The following SKP1 variants were observed in gnomAD, a reference collection of about 807,000 sequenced individuals.
The protein encoded by SKP1 is S-phase kinase-associated protein 1.
A neutral mutation model predicts 21.5 loss-of-function variants in SKP1; 1 was observed. The ratio of observed to expected loss-of-function variants is 0.05; its 90% CI spans 0.02 to 0.22. SKP1 has a LOEUF of 0.22. Ranked by LOEUF, SKP1 falls within the 10% of genes least tolerant of loss-of-function variation. The probability of loss-of-function intolerance (pLI) is 1.00; values close to 1 mark genes in which losing one functional copy is unlikely to be tolerated. For synonymous variants in SKP1, 59 were observed against 59.3 expected, an observed-to-expected ratio of 0.99 and a Z score of 0.03; for missense variants, 70 against 192.0, an observed-to-expected ratio of 0.36 and a Z score of 3.76.
chr5:134,165,495 C>T (rs576828493), intron 3 of SKP1, among the ~76,000 whole-genome samples: 17 of 149,814 alleles, frequency 1.1e-4, no homozygotes, highest in Admixed American at 8.7e-4. Context: ...GAGGATGAGG[C>T]GGGAGAATCA....
intron 3 of SKP1, among the ~76,000 whole-genome samples, chr5:134,165,421 T>C (rs566166941): frequency 2.7e-5 from 4 of 147,856 alleles, no homozygotes; most frequent in African/African-American, 5.0e-5. Flanking sequence ...GAAACCCTCA[T>C]CTCTACAAAA....
Position 134,167,150 on chromosome 5 carries a change from A to C in SKP1, c.171+20T>G, listed in dbSNP as rs1253120631. The stretch of plus-strand genomic sequence containing the variant: ...GTTATATATTAAGCAGAATAAACTT[A>C]AACTCTTTAAAGACCTTACCTTTTT... On this transcript the variant is annotated intron_variant, in intron 3 of 5. Coordinates refer to ENST00000353411, the MANE Select transcript of SKP1 (RefSeq NM_170679.3). 1 of 1,377,076 alleles carries C rather than the reference A, an allele frequency of 7.3e-7. No individual in the cohort carries two copies. The highest frequency in any genetic ancestry group is 1.4e-5 in the African/African-American group (1 of 69,548). 85.3% of individuals were successfully genotyped at this position (1,377,076 alleles called of 1,614,324 possible). A position where few individuals can be genotyped will look rare whatever the true frequency, so the allele number is the denominator to read the frequency against.
At chr5:134,169,691 C>G (rs1561722379) in intron 2 of SKP1, among the ~76,000 whole-genome samples, 1 of 151,904 alleles carries the variant, frequency 6.6e-6, no homozygotes, top group African/African-American at 2.4e-5. Context: ...ATGGTGAAAC[C>G]CCGTTTCTAC....
chr5:134,163,235 T>A (rs1004395130), intron 3 of SKP1, among the ~76,000 whole-genome samples: 3 of 100,190 alleles, frequency 3.0e-5, no homozygotes, highest in South Asian at 6.3e-4. Flanking sequence ...AAAAAATCAC[T>A]ATCACTACTA....
At chr5:134,158,254 C>T (rs542859509) in intron 5 of SKP1, 1 of 1,456,016 alleles carries the variant, frequency 6.9e-7, no homozygotes, top group African/African-American at 1.4e-5. Context: ...ACTAATTGTT[C>T]TTATGCTTAA....
At chr5:134,176,612 A>G (rs115945211) in intron 1 of SKP1, 3,251 of 152,388 alleles carry the variant, frequency 0.021, 110 homozygotes, top group African/African-American at 0.074. Flanking sequence ...GGTTCGGCTC[A>G]CTTATGGAGC....
chr5:134,150,812 T>C lies in SKP1; in HGVS notation c.*6921A>G, dbSNP rs1761032115. 6.6e-6 allele frequency: 1 copy of C among 152,198 alleles called. No homozygotes were observed. The highest frequency in any genetic ancestry group is 2.1e-4 in the South Asian group (1 of 4,834). The allele number at this position is 152,198 out of a possible 1,614,324, so 9.4% of individuals were successfully genotyped here. On this transcript the variant is annotated 3_prime_UTR_variant, in exon 6 of 6. Transcript: ENST00000353411. Reference sequence around the variant, plus strand: ...GACTCCTGAGCTCTTCTCTAATAGTTTGGAGCTACTAACAAACCATTACTG... The same window carrying C: ...GACTCCTGAGCTCTTCTCTAATAGTCTGGAGCTACTAACAAACCATTACTG...
At chr5:134,176,118 G>A (rs554723515) in intron 1 of SKP1, among the ~76,000 whole-genome samples, 143 of 152,276 alleles carry the variant, frequency 9.4e-4, no homozygotes, top group African/African-American at 3.1e-3. Context: ...GCAGGTAGAC[G>A]TCCTATTTCT....
rs141745289 is a variant in SKP1, at chr5:134,151,726, A to G, written c.*6007T>C. 3.5e-5 allele frequency: 16 copies of G among 455,934 alleles called. No homozygotes were observed. The highest frequency in any genetic ancestry group is 6.5e-4 in the Middle Eastern group (2 of 3,076). 28.2% of individuals were successfully genotyped at this position (455,934 alleles called of 1,614,324 possible). ...TGTGGAAGCAGACACTGTTATGAGC[A>G]ACTACATTCCTCCCATAGAATGCTG... is the stretch of plus-strand genomic sequence containing the variant. On this transcript the variant is annotated 3_prime_UTR_variant, in exon 6 of 6. Transcript: ENST00000353411.
In SKP1 at chr5:134,156,594, T is replaced by C. The variant is rs1338854242; in HGVS notation, c.*1139A>G. 1.3e-5 allele frequency: 2 copies of C among 151,814 alleles called. No individual in the cohort carries two copies. Among genetic ancestry groups the C allele is most frequent in the Non-Finnish European group, 1.5e-5 (1 of 67,948 alleles). 9.4% of individuals were successfully genotyped at this position (151,814 alleles called of 1,614,324 possible). A position where few individuals can be genotyped will look rare whatever the true frequency, so the allele number is the denominator to read the frequency against. On this transcript the variant is annotated 3_prime_UTR_variant, in exon 6 of 6. Transcript: ENST00000353411. ...AGGGAGCACAAGGAAGAAAAAAAAATCAAAATTTGTGAGCCATCTCAAGCC... is the reference window on the plus strand; with the variant it reads ...AGGGAGCACAAGGAAGAAAAAAAAACCAAAATTTGTGAGCCATCTCAAGCC...
intron 5 of SKP1, 127 bp downstream of exon 5, chr5:134,158,328 C>T: frequency 1.3e-6 from 2 of 1,573,504 alleles, no homozygotes; most frequent in Non-Finnish European, 1.7e-6. Flanking sequence ...GTTTAAGACA[C>T]ATTAAGTACA....
rs1761103287 is a variant in SKP1 at position 134,155,212 on chromosome 5, A to G, written c.*2521T>C. ...TAGTTTAGAAGAATAGTTGGGAAGT[A>G]AGAGAGTAGCCAGAAATGAGTGGAG... On this transcript the variant is annotated 3_prime_UTR_variant, in exon 6 of 6. Coordinates refer to ENST00000353411, the MANE Select transcript of SKP1 (RefSeq NM_170679.3). 1.3e-5 allele frequency: 2 copies of G among 152,218 alleles called. No individual in the cohort carries two copies. The highest frequency in any genetic ancestry group is 4.1e-4 in the South Asian group (2 of 4,834). The allele number at this position is 152,218 out of a possible 1,614,324, so 9.4% of individuals were successfully genotyped here. A position where few individuals can be genotyped will look rare whatever the true frequency, so the allele number is the denominator to read the frequency against.
Position 134,151,589 on chromosome 5 carries a change from A to C in SKP1, c.*6144T>G. On this transcript the variant is annotated 3_prime_UTR_variant, in exon 6 of 6. Transcript: ENST00000353411. ...CCTCAGTGTGCAATAAGAGGCTGCT[A>C]TATAGCAGGTTGAAAATTTGAAGTT... 2.2e-6 allele frequency: 1 copy of C among 447,006 alleles called. No individual in the cohort carries two copies. The highest frequency in any genetic ancestry group is 4.5e-6 in the Non-Finnish European group (1 of 221,744). 27.7% of individuals were successfully genotyped at this position (447,006 alleles called of 1,614,324 possible).
At position 134,155,481 on chromosome 5, in the gene SKP1, T is replaced by C. The variant is rs958466435; in HGVS notation, c.*2252A>G. ...TTATTTTCTCTTGGATCTCTATTAA[T>C]GTAAAAGTTTAAGATTACTAGGATT... On this transcript the variant is annotated 3_prime_UTR_variant, in exon 6 of 6. Transcript: ENST00000353411. 6.6e-6 allele frequency: 1 copy of C among 152,250 alleles called. No homozygotes were observed. The highest frequency in any genetic ancestry group is 2.4e-5 in the African/African-American group (1 of 41,468). The allele number at this position is 152,250 out of a possible 1,614,324, so 9.4% of individuals were successfully genotyped here.
At chr5:134,175,737 T>C (rs1761527884) in intron 1 of SKP1, among the ~76,000 whole-genome samples, 2 of 152,248 alleles carry the variant, frequency 1.3e-5, no homozygotes, top group African/African-American at 2.4e-5. Flanking sequence ...TTCGATGCAC[T>C]TGGTAATACT....
In SKP1 at chr5:134,173,987, C is replaced by T; in HGVS notation, c.36G>A (p.Glu12=). Residue 12 remains glutamate (E), a synonymous_variant, in exon 2 of 6, where the codon GAG becomes GAA. Transcript: ENST00000353411. ...PSIKLQSSDG[E]IFEVDVEIAK... The stretch of plus-strand genomic sequence containing the variant: ...CAATTTCCACATCAACTTCAAATAT[C>T]TCTCCATCAGAACTCTGCAACTTAA... The T allele has an allele frequency of 6.2e-7, 1 of 1,610,208 alleles. No individual in the cohort carries two copies. Among genetic ancestry groups the T allele is most frequent in the Non-Finnish European group, 8.5e-7 (1 of 1,176,600 alleles).
At chr5:134,175,914 G>T (rs1159085610) in intron 1 of SKP1, among the ~76,000 whole-genome samples, 2 of 140,598 alleles carry the variant, frequency 1.4e-5, no homozygotes, top group South Asian at 4.8e-4. Context: ...GCATAAAGCG[G>T]GTTCTATCAC....
chr5:134,163,810 C>CA (rs1280220908), intron 3 of SKP1, among the ~76,000 whole-genome samples: 2 of 151,932 alleles, frequency 1.3e-5, no homozygotes, highest in Admixed American at 6.6e-5. Flanking sequence ...ACCAAACAAA[C>CA]AAAAAAACCC....
chr5:134,160,444 CTA>C (rs1482586284), intron 4 of SKP1, among the ~76,000 whole-genome samples: 1 of 151,990 alleles, frequency 6.6e-6, no homozygotes, highest in East Asian at 1.9e-4. Flanking sequence ...TGATTTCTGT[CTA>C]GTTATATTAA....
Sources: gnomAD v4.1 joint callset for allele counts (sites outside exome capture counted in the v4.1 genomes callset) on GRCh38, gnomAD v4.1.1 for gene constraint, MANE v1.5 for transcripts, NCBI Gene and HGNC (gene_info 2026-07-23, HGNC 2026-07-21) for gene names.